The following CATSPERB variants were observed in gnomAD, a reference collection of about 807,000 sequenced individuals.
The protein encoded by CATSPERB is cation channel sperm-associated auxiliary subunit beta.
In CATSPERB, 93 loss-of-function variants were observed where a neutral mutation model predicts 128.3. The observed-to-expected ratio is 0.72, with a 90% CI of 0.61 to 0.86. CATSPERB has a LOEUF of 0.86. Ranked by LOEUF, CATSPERB falls within the 40% of genes least tolerant of loss-of-function variation. The pLI is 0.00. For missense variants in CATSPERB, 1,153 were observed against 1,329.5 expected (o/e 0.87, Z 2.06); for synonymous variants, 381 against 448.8 (o/e 0.85, Z 1.91).
At chr14:91,656,685 C>T (rs1321343847) in intron 15 of CATSPERB, among the ~76,000 whole-genome samples, 2 of 152,012 alleles carry the variant, frequency 1.3e-5, no homozygotes, top group Non-Finnish European at 1.5e-5. Flanking sequence ...TGTAAATGGA[C>T]TAAACTCTCC....
At chr14:91,731,169 CGA>C (rs1259474669) in intron 1 of CATSPERB, among the ~76,000 whole-genome samples, 1 of 152,092 alleles carries the variant, frequency 6.6e-6, no homozygotes, top group Non-Finnish European at 1.5e-5. Flanking sequence ...TGTGCAAACT[CGA>C]GAGAGTTAGT....
At chr14:91,725,218 C>T in intron 2 of CATSPERB, 50 bp from the exon 3 acceptor site, 1 of 770,602 alleles carries the variant, frequency 1.3e-6, no homozygotes, top group Non-Finnish European at 1.9e-6. Context: ...GAAGACTGTC[C>T]ATAAAAAGTA....
chr14:91,719,512 T>A (rs774365635), intron 4 of CATSPERB, 34 bp from the exon 5 acceptor site: 1 of 1,536,818 alleles, frequency 6.5e-7, no homozygotes, highest in South Asian at 1.1e-5. Flanking sequence ...AACAATGTTT[T>A]ACAACATGAA....
intron 14 of CATSPERB, among the ~76,000 whole-genome samples, chr14:91,661,678 A>G (rs1284891217): frequency 6.6e-6 from 1 of 151,808 alleles, no homozygotes; most frequent in Non-Finnish European, 1.5e-5. Flanking sequence ...GACTACAGGC[A>G]TAAGCCACCA....
chr14:91,601,925 CAT>C (rs1382825678), intron 22 of CATSPERB, among the ~76,000 whole-genome samples: 1 of 152,100 alleles, frequency 6.6e-6, no homozygotes, highest in Admixed American at 6.5e-5. Flanking sequence ...CACTTCACTT[CAT>C]AGAGTTCACA....
intron 21 of CATSPERB, 51 bp downstream of exon 21, chr14:91,610,429 A>G: frequency 6.7e-7 from 1 of 1,485,236 alleles, no homozygotes; most frequent in Non-Finnish European, 9.2e-7. Flanking sequence ...ATCACACAAA[A>G]GTCACATAGC....
In CATSPERB at chr14:91,704,663, C is replaced by T. The variant is rs1258620460; in HGVS notation, c.505G>A (p.Glu169Lys). ...LQWTPGDVIP[E>K]SEISKLYPHV... ...GGATATAATTTACTGATTTCACTTT[C>T]TGGAATCACATCCCCAGGAGTCCAC... is the stretch of plus-strand genomic sequence containing the variant. The change falls in exon 7 of 27, where the codon GAA (glutamate) becomes AAA (lysine). Residue 169 changes from glutamate to lysine, a missense_variant. Transcript: ENST00000256343. The T allele has an allele frequency of 6.2e-7, 1 of 1,613,850 alleles. No individual in the cohort carries two copies. Among genetic ancestry groups the T allele is most frequent in the South Asian group, 1.1e-5 (1 of 91,024 alleles).
At chr14:91,722,984 A>G in intron 4 of CATSPERB, 65 bp downstream of exon 4, 1 of 1,240,930 alleles carries the variant, frequency 8.1e-7, no homozygotes, top group Non-Finnish European at 1.1e-6. Context: ...TAAAAAATAC[A>G]TCCTATAAGG....
intron 3 of CATSPERB, among the ~76,000 whole-genome samples, chr14:91,724,399 G>A (rs1896086212): frequency 6.6e-6 from 1 of 152,090 alleles, no homozygotes; most frequent in South Asian, 2.1e-4. Flanking sequence ...CTCAATAGTT[G>A]TATATACAAA....
chr14:91,604,253 C>T, intron 22 of CATSPERB: 1 of 628,754 alleles, frequency 1.6e-6, no homozygotes, highest in South Asian at 1.8e-5. Context: ...CCATACCCCA[C>T]CCTCCATCAC....
intron 13 of CATSPERB, 129 bp from the exon 14 acceptor site, chr14:91,670,101 C>CA (rs1895061895): frequency 7.4e-6 from 6 of 807,248 alleles, no homozygotes; most frequent in Non-Finnish European, 1.2e-5. Context: ...GAAGGATTAG[C>CA]AGTAATTGTT....
intron 26 of CATSPERB, among the ~76,000 whole-genome samples, chr14:91,581,745 GC>G (rs965102612): frequency 6.6e-6 from 1 of 152,230 alleles, no homozygotes; most frequent in Non-Finnish European, 1.5e-5. Context: ...GAGATGTGAG[GC>G]AAGGGTGGGG....
intron 15 of CATSPERB, among the ~76,000 whole-genome samples, chr14:91,652,246 G>GT (rs1471281380): frequency 5.3e-5 from 8 of 151,932 alleles, no homozygotes; most frequent in Non-Finnish European, 1.0e-4. Flanking sequence ...AGTAAGAAAA[G>GT]TAACTCAAAT....
intron 4 of CATSPERB, among the ~76,000 whole-genome samples, chr14:91,722,254 A>G (rs913755414): frequency 5.3e-5 from 8 of 152,252 alleles, no homozygotes; most frequent in African/African-American, 1.9e-4. Context: ...TCACAGCAGC[A>G]TTATTCAGAA....
At chr14:91,677,915 T>C (rs1178333692) in intron 11 of CATSPERB, among the ~76,000 whole-genome samples, 1 of 152,196 alleles carries the variant, frequency 6.6e-6, no homozygotes, top group Non-Finnish European at 1.5e-5. Flanking sequence ...TGAGATCATG[T>C]CCTTTGCAGG....
At chr14:91,659,514 A>G (rs1894839073) in intron 15 of CATSPERB, among the ~76,000 whole-genome samples, 1 of 152,234 alleles carries the variant, frequency 6.6e-6, no homozygotes, top group African/African-American at 2.4e-5. Flanking sequence ...TACCTACTTC[A>G]GCAAAGTTGT....
chr14:91,723,368 TTAA>T (rs1160573421), intron 3 of CATSPERB, among the ~76,000 whole-genome samples, 179 bp from the exon 4 acceptor site: 1 of 152,178 alleles, frequency 6.6e-6, no homozygotes, highest in Non-Finnish European at 1.5e-5. Context: ...AGGTTTCATC[TTAA>T]TAATAATCTT....
At chr14:91,663,570 G>A (rs1048719226) in intron 14 of CATSPERB, among the ~76,000 whole-genome samples, 2 of 149,232 alleles carry the variant, frequency 1.3e-5, no homozygotes, top group Admixed American at 6.8e-5. Flanking sequence ...GCGTGAACCC[G>A]GGAGGCGGAG....
At chr14:91,663,204 TAAGA>T (rs1894915406) in intron 14 of CATSPERB, among the ~76,000 whole-genome samples, 2 of 152,172 alleles carry the variant, frequency 1.3e-5, no homozygotes, top group South Asian at 4.1e-4. Context: ...CCTAACCAAA[TAAGA>T]AAACTGACTG....
Sources: allele counts gnomAD v4.1 joint callset (sites outside exome capture counted in the v4.1 genomes callset), GRCh38; gene constraint gnomAD v4.1.1; transcripts MANE v1.5; gene names NCBI Gene and HGNC (gene_info 2026-07-23, HGNC 2026-07-21).